SCN9A: variants seen among roughly 807,000 people sequenced by gnomAD.
The protein encoded by SCN9A is sodium channel protein type 9 subunit alpha.
SCN9A carries 131 observed loss-of-function variants against 187.0 expected under a neutral mutation model. That is an observed-to-expected ratio of 0.70 (90% CI 0.61 to 0.81). SCN9A has a LOEUF of 0.81. Ranked by LOEUF, SCN9A falls within the 30% of genes least tolerant of loss-of-function variation. SCN9A has a pLI of 0.00. For synonymous variants in SCN9A, 809 were observed against 808.6 expected (o/e 1.00, Z -0.01); for missense variants, 2,252 against 2,396.6 (o/e 0.94, Z 1.26).
At chr2:166,345,932 A>G (rs1040397915) in intron 1 of SCN9A, among the ~76,000 whole-genome samples, 2 of 152,204 alleles carry the variant, frequency 1.3e-5, no homozygotes, top group African/African-American at 4.8e-5. Flanking sequence ...CTGAAAAACA[A>G]CTGAATCTAG....
At position 166,199,680 on chromosome 2, in the gene SCN9A, C is replaced by G; in HGVS notation, c.4959G>C (p.Leu1653=). 6.2e-7 allele frequency: 1 copy of G among 1,613,984 alleles called. No individual in the cohort carries two copies. The highest frequency in any genetic ancestry group is 8.5e-7 in the Non-Finnish European group (1 of 1,180,002). The change falls in exon 27 of 27, where the codon CTG becomes CTC. Residue 1653 remains leucine, a synonymous_variant. Coordinates refer to ENST00000642356, the MANE Select transcript of SCN9A (RefSeq NM_001365536.1). ...ALFNIGLLLF[L]VMFIYAIFGM... is the part of the protein sequence containing the mutation. ...CAAAGATGGCGTAGATGAACATGAC[C>G]AGGAAGAGCAGGAGGCCGATGTTAA...
At chr2:166,200,292 C>T (rs1022462192) in intron 26 of SCN9A, among the ~76,000 whole-genome samples, 9 of 151,788 alleles carry the variant, frequency 5.9e-5, no homozygotes, top group East Asian at 1.9e-4. Flanking sequence ...CCACCGTGCC[C>T]GGCCAAGACA....
At chr2:166,250,308 CT>C (rs1376828882) in intron 18 of SCN9A, among the ~76,000 whole-genome samples, 1 of 152,096 alleles carries the variant, frequency 6.6e-6, no homozygotes, top group Non-Finnish European at 1.5e-5. Context: ...GCTATCATAA[CT>C]TCTGTATAAG....
At chr2:166,252,321 T>C (rs922328029) in intron 17 of SCN9A, among the ~76,000 whole-genome samples, 2 of 151,990 alleles carry the variant, frequency 1.3e-5, no homozygotes, top group Non-Finnish European at 2.9e-5. Context: ...CATTGAAAGC[T>C]CAGATCAAAT....
chr2:166,231,573 A>G (rs1280999809), intron 21 of SCN9A, among the ~76,000 whole-genome samples: 1 of 83,948 alleles, frequency 1.2e-5, no homozygotes, highest in Non-Finnish European at 2.2e-5. Context: ...TTTTTTTGAT[A>G]CAGAGTCTTG....
At chr2:166,253,028 T>C (rs1229750630) in intron 17 of SCN9A, among the ~76,000 whole-genome samples, 1 of 151,908 alleles carries the variant, frequency 6.6e-6, no homozygotes, top group Non-Finnish European at 1.5e-5. Flanking sequence ...AATAATAAAA[T>C]ACTTATTTCA....
At position 166,272,780 on chromosome 2, in the gene SCN9A, A is replaced by G; in HGVS notation, c.2970T>C (p.Ile990=). 6.5e-7 allele frequency: 1 copy of G among 1,529,448 alleles called. No individual in the cohort carries two copies. The highest frequency in any genetic ancestry group is 8.8e-7 in the Non-Finnish European group (1 of 1,142,796). The allele number at this position is 1,529,448 out of a possible 1,614,324, so 94.7% of individuals were successfully genotyped here. Residue 990 remains isoleucine, a synonymous_variant, in exon 17 of 27, where the codon ATT becomes ATC. Transcript: ENST00000642356. The part of the protein sequence containing the change: ...EEDPDANNLQ[I]AVTRIKKGIN... Reference sequence around the variant, plus strand: ...TTCCCTTTTTAATTCTAGTCACTGCAATCTGGAGGTTGTTTGCATCAGGGT... The same window carrying G: ...TTCCCTTTTTAATTCTAGTCACTGCGATCTGGAGGTTGTTTGCATCAGGGT...
In SCN9A at chr2:166,272,407, T is replaced by C. The variant is rs201984007; in HGVS notation, c.3343A>G (p.Ser1115Gly). ...ATATGAAGCATTCTTACCACTTTGC[T>C]GTATTCACTATCCGAATCACTGCTA... Reference protein sequence around the residue: ...ELSSDSDSEYSKVRLNRSSSS... With the variant: ...ELSSDSDSEYGKVRLNRSSSS... The change falls in exon 17 of 27, where the codon AGC becomes GGC. Residue 1115 changes from serine (S) to glycine (G), a missense_variant. By Grantham distance (56) the Ser-to-Gly change is moderately conservative (BLOSUM62 0). Transcript: ENST00000642356. The C allele has an allele frequency of 4.9e-4, 770 of 1,576,122 alleles. 2 individuals are homozygous for C. The highest frequency in any genetic ancestry group is 6.1e-4 in the Non-Finnish European group (706 of 1,155,642).
At chr2:166,351,016 G>T (rs1700021416) in intron 1 of SCN9A, among the ~76,000 whole-genome samples, 1 of 151,952 alleles carries the variant, frequency 6.6e-6, no homozygotes, top group African/African-American at 2.4e-5. Context: ...TAATTTGCCT[G>T]CTCTCTATAT....
At chr2:166,234,498 C>G (rs1028797054) in intron 20 of SCN9A, among the ~76,000 whole-genome samples, 1 of 152,136 alleles carries the variant, frequency 6.6e-6, no homozygotes, top group Non-Finnish European at 1.5e-5. Context: ...ACAAAAAGTT[C>G]ATTGCTGTTA....
chr2:166,307,938 T>C (rs917809319), intron 2 of SCN9A, among the ~76,000 whole-genome samples: 1 of 152,202 alleles, frequency 6.6e-6, no homozygotes, highest in Admixed American at 6.5e-5. Context: ...ACACTGACTT[T>C]CTAAATTTTA....
At chr2:166,240,428 CAT>C (rs1162060344) in intron 19 of SCN9A, among the ~76,000 whole-genome samples, 3 of 152,194 alleles carry the variant, frequency 2.0e-5, no homozygotes, top group Non-Finnish European at 4.4e-5. Context: ...TTTTCTTCCT[CAT>C]ATGATTTATT....
rs144435180 is a variant in SCN9A at position 166,371,861 on chromosome 2, T to A, written c.-51+3836A>T. 3.1e-3 allele frequency among the ~76,000 whole-genome samples: 468 copies of A among 152,274 alleles called. 2 individuals carry two copies. Among genetic ancestry groups the A allele is most frequent in the African/African-American group, 0.01 (435 of 41,564 alleles). On this transcript the variant is annotated intron_variant, in intron 1 of 26. Transcript: ENST00000642356. The stretch of plus-strand genomic sequence containing the variant: ...AATTTTTAAAAATCCCTGCTCACAA[T>A]TAGTGAAATAATTTAGTCCTTCAAG...
At chr2:166,235,351 T>C (rs1056355392) in intron 20 of SCN9A, among the ~76,000 whole-genome samples, 8 of 152,126 alleles carry the variant, frequency 5.3e-5, no homozygotes, top group African/African-American at 1.9e-4. Flanking sequence ...CACACACGTA[T>C]ATATACAAAT....
chr2:166,248,271 C>T (rs1695881297), intron 18 of SCN9A: 2 of 152,048 alleles, frequency 1.3e-5, no homozygotes, highest in Admixed American at 1.3e-4. Flanking sequence ...GACCAATTAC[C>T]AACTTGTAAG....
chr2:166,232,780 ACT>A (rs1376390325), intron 21 of SCN9A, among the ~76,000 whole-genome samples: 32 of 149,142 alleles, frequency 2.1e-4, no homozygotes, highest in African/African-American at 7.3e-4. Flanking sequence ...GCATATATAT[ACT>A]AATATGTACA....
chr2:166,203,482 G>A (rs1430073362), intron 26 of SCN9A, among the ~76,000 whole-genome samples: 2 of 151,856 alleles, frequency 1.3e-5, no homozygotes, highest in Admixed American at 6.6e-5. Context: ...GTATTAAGCT[G>A]TAAAAAATAA....
chr2:166,345,621 C>T (rs1178404136), intron 1 of SCN9A, among the ~76,000 whole-genome samples: 3 of 151,930 alleles, frequency 2.0e-5, no homozygotes, highest in African/African-American at 7.3e-5. Context: ...ACAAAACAAA[C>T]AAACATACAA....
At chr2:166,356,568 G>A (rs1369309645) in intron 1 of SCN9A, among the ~76,000 whole-genome samples, 1 of 151,998 alleles carries the variant, frequency 6.6e-6, no homozygotes, top group African/African-American at 2.4e-5. Context: ...TATGTATAAC[G>A]AAAAATAATT....
Sources: allele counts gnomAD v4.1 joint callset (sites outside exome capture counted in the v4.1 genomes callset), GRCh38; gene constraint gnomAD v4.1.1; transcripts MANE v1.5; gene names NCBI Gene and HGNC (gene_info 2026-07-23, HGNC 2026-07-21).